COG5: variants seen among roughly 807,000 people sequenced by gnomAD.
COG5 encodes the protein component of oligomeric golgi complex 5, also known as conserved oligomeric Golgi complex subunit 5.
A neutral mutation model predicts 110.4 loss-of-function variants in COG5; 86 were observed. That is an observed-to-expected ratio of 0.78 (90% CI 0.65 to 0.93). The LOEUF (loss-of-function observed/expected upper bound fraction) is 0.93, where lower values mean the gene tolerates loss of function less well. COG5 is among the 40% of genes least tolerant of loss of function. COG5 has a pLI of 0.00. For missense variants in COG5, 1,077 were observed against 987.0 expected, an observed-to-expected ratio of 1.09 and a Z score of -1.22; for synonymous variants, 360 against 334.6, an observed-to-expected ratio of 1.08 and a Z score of -0.83.
chr7:107,398,319 G>A (rs1001620377), intron 7 of COG5, among the ~76,000 whole-genome samples: 6 of 152,080 alleles, frequency 3.9e-5, no homozygotes, highest in Admixed American at 1.3e-4. Context: ...AGTTCCCAAC[G>A]CCCCTGGGCT....
At chr7:107,240,799 G>A (rs1053821831) in intron 17 of COG5, among the ~76,000 whole-genome samples, 2 of 152,138 alleles carry the variant, frequency 1.3e-5, no homozygotes, top group African/African-American at 4.8e-5. Flanking sequence ...TACAAAGTAG[G>A]AAAATTACTG....
At chr7:107,268,813 T>C (rs796724046) in intron 14 of COG5, among the ~76,000 whole-genome samples, 17 of 152,362 alleles carry the variant, frequency 1.1e-4, no homozygotes, top group African/African-American at 4.1e-4. Context: ...ATTCTTCTGA[T>C]TAGTATTTGC....
At chr7:107,563,652 G>C (rs886521118) in intron 1 of COG5, 151 bp downstream of exon 1, 3 of 831,500 alleles carry the variant, frequency 3.6e-6, no homozygotes, top group Admixed American at 4.0e-5. Flanking sequence ...GGCTAGAACA[G>C]TACCCAAGCC....
intron 21 of COG5, chr7:107,208,974 C>T (rs1292898076): frequency 4.1e-6 from 4 of 977,912 alleles, no homozygotes; most frequent in Non-Finnish European, 4.9e-6. Flanking sequence ...TAGAGAAATC[C>T]TGATAGCAGG....
chr7:107,282,615 G>A lies in COG5; in HGVS notation c.1475+956C>T, dbSNP rs187555232. On this transcript the variant is annotated intron_variant, in intron 13 of 21. Coordinates refer to ENST00000297135, the MANE Select transcript of COG5 (RefSeq NM_006348.5). ...CGGCTCACTGCAGCCTTCGCCTCCC[G>A]GATTCAAGCGATTCTGATGCCTCAG... Among the ~76,000 whole-genome samples, 383 of 152,120 alleles carry A rather than the reference G, an allele frequency of 2.5e-3. 9 individuals are homozygous for A. Among genetic ancestry groups the A allele is most frequent in the Admixed American group, 0.023 (345 of 15,274 alleles).
intron 14 of COG5, among the ~76,000 whole-genome samples, chr7:107,274,676 G>A (rs76170951): frequency 0.021 from 3,170 of 152,204 alleles, 54 homozygotes; most frequent in Non-Finnish European, 0.032. Context: ...CATATGACCC[G>A]AGAAGCATGA....
chr7:107,239,592 G>C (rs1801459024), intron 17 of COG5, among the ~76,000 whole-genome samples: 1 of 152,110 alleles, frequency 6.6e-6, no homozygotes, highest in Non-Finnish European at 1.5e-5. Flanking sequence ...CACAGAATAT[G>C]TTTCCATTTA....
At chr7:107,219,711 G>A (rs931812852) in intron 19 of COG5, among the ~76,000 whole-genome samples, 5 of 152,022 alleles carry the variant, frequency 3.3e-5, no homozygotes, top group African/African-American at 9.7e-5. Context: ...TTAGTTAAAG[G>A]GTACAAAGTT....
At chr7:107,251,420 T>TA (rs2116576108) in intron 16 of COG5, among the ~76,000 whole-genome samples, 1 of 152,204 alleles carries the variant, frequency 6.6e-6, no homozygotes, top group Admixed American at 6.5e-5. Context: ...AAATAATCAT[T>TA]AAAAATCATC....
chr7:107,468,456 A>C (rs898869227), intron 6 of COG5, among the ~76,000 whole-genome samples: 1 of 150,778 alleles, frequency 6.6e-6, no homozygotes, highest in African/African-American at 2.4e-5. Flanking sequence ...GGTGTGTGTA[A>C]GTTTTCTTTA....
chr7:107,387,421 C>G (rs1322836637), intron 7 of COG5, among the ~76,000 whole-genome samples: 1 of 152,228 alleles, frequency 6.6e-6, no homozygotes, highest in African/African-American at 2.4e-5. Flanking sequence ...CCCACCTGCT[C>G]AGCTCTCCAG....
At chr7:107,298,388 A>C in intron 11 of COG5, 42 bp from the exon 12 acceptor site, 2 of 1,484,822 alleles carry the variant, frequency 1.3e-6, no homozygotes, top group Non-Finnish European at 1.9e-6. Context: ...AAATAATAAA[A>C]TGTAGTAAAT....
chr7:107,234,182 G>A (rs1800984888), intron 18 of COG5, among the ~76,000 whole-genome samples: 1 of 152,202 alleles, frequency 6.6e-6, no homozygotes, highest in Admixed American at 6.5e-5. Context: ...CACACTGCCT[G>A]CTGCAACCAA....
chr7:107,407,120 G>T (rs1452900762), intron 7 of COG5, among the ~76,000 whole-genome samples: 1 of 152,160 alleles, frequency 6.6e-6, no homozygotes, highest in African/African-American at 2.4e-5. Context: ...GGTGGCTCAC[G>T]CCTGTAATCC....
At chr7:107,427,698 T>C (rs1450585917) in intron 6 of COG5, among the ~76,000 whole-genome samples, 1 of 152,120 alleles carries the variant, frequency 6.6e-6, no homozygotes, top group East Asian at 1.9e-4. Context: ...CCCACTGGGC[T>C]GTGCCTTGCT....
chr7:107,296,670 C>T (rs1202658698), intron 12 of COG5, among the ~76,000 whole-genome samples: 1 of 151,590 alleles, frequency 6.6e-6, no homozygotes, highest in African/African-American at 2.4e-5. Context: ...GAGACCTTCC[C>T]CAGTAGCTGG....
intron 17 of COG5, among the ~76,000 whole-genome samples, chr7:107,237,834 T>G (rs559999231): frequency 3.9e-5 from 6 of 152,264 alleles, no homozygotes; most frequent in African/African-American, 1.2e-4. Flanking sequence ...ACGGCCATCT[T>G]CATGTGGGGT....
chr7:107,490,897 A>T (rs1340162773), intron 6 of COG5, among the ~76,000 whole-genome samples: 1 of 152,150 alleles, frequency 6.6e-6, no homozygotes, highest in African/African-American at 2.4e-5. Flanking sequence ...GTAAAGTATT[A>T]CTTTGATGGA....
At chr7:107,388,323 A>G (rs1219953665) in intron 7 of COG5, among the ~76,000 whole-genome samples, 1 of 152,212 alleles carries the variant, frequency 6.6e-6, no homozygotes, top group South Asian at 2.1e-4. Context: ...TTGCCTAGAG[A>G]ATCAACCCGG....
Sources: allele counts gnomAD v4.1 joint callset (sites outside exome capture counted in the v4.1 genomes callset), GRCh38; gene constraint gnomAD v4.1.1; transcripts MANE v1.5; gene names NCBI Gene and HGNC (gene_info 2026-07-23, HGNC 2026-07-21).